UGT1A5: variants seen among roughly 807,000 people sequenced by gnomAD.
UGT1A5 encodes UDP-glucuronosyltransferase 1A5.
In UGT1A5, 29 loss-of-function variants were observed where a neutral mutation model predicts 40.3. The observed-to-expected ratio is 0.72, with a 90% CI of 0.54 to 0.98. The LOEUF (loss-of-function observed/expected upper bound fraction) is 0.98, where lower values mean the gene tolerates loss of function less well. Ranked by LOEUF, UGT1A5 falls within the 50% of genes least tolerant of loss-of-function variation. UGT1A5 has a pLI of 0.00. For missense variants in UGT1A5, 678 were observed against 677.9 expected, an observed-to-expected ratio of 1.00 and a Z score of 0.00; for synonymous variants, 257 against 262.5, an observed-to-expected ratio of 0.98 and a Z score of 0.20.
At chr2:233,730,094 A>G (rs1211055945) in intron 1 of UGT1A5, 2 of 1,593,062 alleles carry the variant, frequency 1.3e-6, no homozygotes, top group South Asian at 2.3e-5. Context: ...ATCTTTCCAA[A>G]TATTTCATTT....
rs34650714 is a variant in UGT1A5 at position 233,767,183 on chromosome 2, C to T, written c.999+18C>T. The T allele has an allele frequency of 6.4e-3, 10,393 of 1,613,868 alleles. 514 individuals carry two copies. The African/African-American group carries it at 0.12, about 18-fold the overall frequency. On this transcript the variant is annotated intron_variant, in intron 2 of 4. Transcript: ENST00000373414. The stretch of plus-strand genomic sequence containing the variant: ...CTCAGACAGTAAGAAGATTCTATAC[C>T]ATGGCCTCATATCTATTTTCACAGG...
intron 1 of UGT1A5, among the ~76,000 whole-genome samples, chr2:233,749,048 G>A (rs971620112): frequency 1.8e-4 from 27 of 151,634 alleles, no homozygotes; most frequent in African/African-American, 6.3e-4. Context: ...GTGGTACTCT[G>A]GGACCTGAAT....
chr2:233,768,219 G>T lies in UGT1A5; in HGVS notation c.1088-1G>T. 1 of 1,614,092 alleles carries T rather than the reference G, an allele frequency of 6.2e-7. No individual in the cohort carries two copies. The highest frequency in any genetic ancestry group is 8.5e-7 in the Non-Finnish European group (1 of 1,180,022). On this transcript the variant is annotated splice_acceptor_variant, in intron 3 of 4. Transcript: ENST00000373414. LOFTEE classifies it high-confidence loss of function. Reference sequence around the variant, plus strand: ...GACATCCTCCCTATTTTGCATCTCAGGTCACCCGATGACCCGTGCCTTTAT... The same window carrying T: ...GACATCCTCCCTATTTTGCATCTCATGTCACCCGATGACCCGTGCCTTTAT...
chr2:233,769,809 C>A lies in UGT1A5; in HGVS notation c.1307+1370C>A. On this transcript the variant is annotated intron_variant, in intron 4 of 4. Transcript: ENST00000373414. This position sits in a 1 kb window ranked among gnomAD's most constrained non-coding sequence, Gnocchi z 4.4. Reference sequence around the variant, plus strand: ...GTTGGAGGCTGCTATGAGCCGTGATCATGCCACTGCACTCCAGCAACCTGG... The same window carrying A: ...GTTGGAGGCTGCTATGAGCCGTGATAATGCCACTGCACTCCAGCAACCTGG... 4.2e-6 allele frequency: 4 copies of A among 962,960 alleles called. No homozygotes were observed. The highest frequency in any genetic ancestry group is 3.0e-5 in the East Asian group (1 of 33,100). 59.7% of individuals were successfully genotyped at this position (962,960 alleles called of 1,614,324 possible). A position where few individuals can be genotyped will look rare whatever the true frequency, so the allele number is the denominator to read the frequency against.
At chr2:233,751,329 G>A (rs1694703475) in intron 1 of UGT1A5, among the ~76,000 whole-genome samples, 1 of 151,722 alleles carries the variant, frequency 6.6e-6, no homozygotes, top group Non-Finnish European at 1.5e-5. Flanking sequence ...CCCCCATTGT[G>A]TCTTGGAAGT....
At chr2:233,754,136 G>T (rs1695403547) in intron 1 of UGT1A5, among the ~76,000 whole-genome samples, 1 of 152,154 alleles carries the variant, frequency 6.6e-6, no homozygotes. Flanking sequence ...GCAATTAAAA[G>T]CCATCATTAA....
In UGT1A5 at chr2:233,760,364, ATGCTGGGAAGATAC is replaced by A. The variant is rs775463336; in HGVS notation, c.868-6667_868-6654del. 13 of 1,614,036 alleles carry A rather than the reference ATGCTGGGAAGATAC, an allele frequency of 8.1e-6. No homozygotes were observed. In the African/African-American group the frequency reaches 1.6e-4, roughly 20 times the overall value. On this transcript the variant is annotated intron_variant, in intron 1 of 4. Coordinates refer to ENST00000373414, the MANE Select transcript of UGT1A5 (RefSeq NM_019078.2). ...TGTGTGCTGGGCCCAGTGGTGTCCC[ATGCTGGGAAGATAC>A]TGTTGATCCCAGTGGATGGCAGCCA... is the stretch of plus-strand genomic sequence containing the variant.
Position 233,713,873 on chromosome 2 carries a change from C to A in UGT1A5, c.867+15C>A. The A allele has an allele frequency of 1.2e-6, 2 of 1,613,734 alleles. No individual in the cohort carries two copies. Among genetic ancestry groups the A allele is most frequent in the African/African-American group, 1.3e-5 (1 of 75,014 alleles). On this transcript the variant is annotated intron_variant, in intron 1 of 4. Transcript: ENST00000373414. ...CACTATCTCAGGTCTGTATTGGTGC[C>A]TTTATCCAATCAATGTTCCAGGCAA...
Position 233,772,341 on chromosome 2 carries a change from G to A in UGT1A5, c.1387G>A (p.Val463Met), listed in dbSNP as rs753234232. The change falls in exon 5 of 5, where the codon GTG becomes ATG. Residue 463 changes from valine (V) to methionine (M), a missense_variant. Val to Met is a conservative substitution (Grantham distance 21, BLOSUM62 1). Coordinates refer to ENST00000373414, the MANE Select transcript of UGT1A5 (RefSeq NM_019078.2). ...GCCGCTGGACCTGGCCGTGTTCTGG[G>A]TGGAGTTTGTGATGAGGCACAAGGG... ...VEPLDLAVFW[V>M]EFVMRHKGAP... The A allele has an allele frequency of 1.9e-6, 3 of 1,614,248 alleles. No individual in the cohort carries two copies. The highest frequency in any genetic ancestry group is 4.5e-5 in the East Asian group (2 of 44,884).
intron 1 of UGT1A5, among the ~76,000 whole-genome samples, chr2:233,718,195 A>C (rs1455631272): frequency 6.6e-6 from 1 of 152,034 alleles, no homozygotes; most frequent in Non-Finnish European, 1.5e-5. Flanking sequence ...GCCTCCCCGG[A>C]GCTTTTTTTT....
chr2:233,751,261 C>T (rs1694682107), intron 1 of UGT1A5, among the ~76,000 whole-genome samples: 1 of 151,890 alleles, frequency 6.6e-6, no homozygotes, highest in South Asian at 2.1e-4. Flanking sequence ...GGCCTGTAGC[C>T]CCCTTTTTTT....
intron 4 of UGT1A5, chr2:233,771,176 C>A (rs887864017): frequency 1.1e-4 from 17 of 152,256 alleles, no homozygotes; most frequent in African/African-American, 4.1e-4. Context: ...CTGGGGATTA[C>A]AATTCAACAT....
intron 1 of UGT1A5, among the ~76,000 whole-genome samples, chr2:233,734,844 A>G (rs1575606786): frequency 6.6e-6 from 1 of 152,286 alleles, no homozygotes; most frequent in Middle Eastern, 3.4e-3. Flanking sequence ...TTCTTAATCC[A>G]GAGTTCTAAT....
At chr2:233,757,297 T>G (rs1200339866) in intron 1 of UGT1A5, among the ~76,000 whole-genome samples, 15 of 102,166 alleles carry the variant, frequency 1.5e-4, no homozygotes, top group South Asian at 3.6e-4. Context: ...CAGCTGGGGG[T>G]TGGGGGACAG....
chr2:233,718,011 C>T (rs889602207), intron 1 of UGT1A5: 3 of 401,954 alleles, frequency 7.5e-6, no homozygotes, highest in African/African-American at 6.2e-5. Flanking sequence ...TGAGGCCAGG[C>T]TCCAGCTCCC....
chr2:233,756,019 A>G (rs997763833), intron 1 of UGT1A5: 4 of 152,222 alleles, frequency 2.6e-5, no homozygotes, highest in Admixed American at 2.0e-4. Flanking sequence ...GTGATATTAC[A>G]CATCCCCCAT....
rs1372667993 is a variant in UGT1A5 at position 233,718,421 on chromosome 2, A to G, written c.867+4563A>G. On this transcript the variant is annotated intron_variant, in intron 1 of 4. Coordinates refer to ENST00000373414, the MANE Select transcript of UGT1A5 (RefSeq NM_019078.2). Reference sequence around the variant, plus strand: ...AATAGCGTCACATTCAGCAGAGAACATGTGGTTGGGGACTAGGGCAATGGT... The same window carrying G: ...AATAGCGTCACATTCAGCAGAGAACGTGTGGTTGGGGACTAGGGCAATGGT... Among the ~76,000 whole-genome samples, 6 of 152,220 alleles carry G rather than the reference A, an allele frequency of 3.9e-5. No homozygotes were observed. The South Asian group carries it at 1.0e-3, about 26-fold the overall frequency.
At chr2:233,725,006 G>A (rs112132688) in intron 1 of UGT1A5, among the ~76,000 whole-genome samples, 45,538 of 146,588 alleles carry the variant, frequency 0.31, 9,033 homozygotes, top group South Asian at 0.46. Flanking sequence ...AGACCGGCCC[G>A]GCCAAACAGC....
Position 233,719,442 on chromosome 2 carries a change from C to A in UGT1A5, c.867+5584C>A, listed in dbSNP as rs1309137091. Reference sequence around the variant, plus strand: ...GACCAATTCAGACCACATGACATTCCTGCAAAGGGTCAAGAACATGCTCTA... The same window carrying A: ...GACCAATTCAGACCACATGACATTCATGCAAAGGGTCAAGAACATGCTCTA... On this transcript the variant is annotated intron_variant, in intron 1 of 4. Coordinates refer to ENST00000373414, the MANE Select transcript of UGT1A5 (RefSeq NM_019078.2). The A allele has an allele frequency of 1.5e-5, 25 of 1,613,838 alleles. No individual in the cohort carries two copies. The East Asian group carries it at 1.6e-4, about 10-fold the overall frequency.
Sources: allele counts gnomAD v4.1 joint callset (sites outside exome capture counted in the v4.1 genomes callset), GRCh38; gene constraint gnomAD v4.1.1; non-coding constraint Gnocchi (gnomAD v3.1); transcripts MANE v1.5; gene names NCBI Gene and HGNC (gene_info 2026-07-23, HGNC 2026-07-21).